The following ATP8A1 variants were observed in gnomAD, a reference collection of about 807,000 sequenced individuals.
The protein encoded by ATP8A1 is phospholipid-transporting ATPase IA.
In ATP8A1, 90 loss-of-function variants were observed where a neutral mutation model predicts 177.7. The ratio of observed to expected loss-of-function variants is 0.51; its 90% CI spans 0.43 to 0.60. The LOEUF (loss-of-function observed/expected upper bound fraction) is 0.60. Among genes scored for constraint, ATP8A1 ranks in the 20% least tolerant of loss-of-function variants. The pLI, the probability that ATP8A1 is intolerant of heterozygous loss-of-function variation, is 0.00. For missense variants in ATP8A1, 1,072 were observed against 1,392.8 expected (o/e 0.77, Z 3.67); for synonymous variants, 493 against 485.9 (o/e 1.01, Z -0.19).
chr4:42,656,903 C>T lies in ATP8A1; in HGVS notation c.-30G>A. The T allele has an allele frequency of 6.4e-7, 1 of 1,559,598 alleles. No homozygotes were observed. The highest frequency in any genetic ancestry group is 8.7e-7 in the Non-Finnish European group (1 of 1,151,722). ...GCGGCGGCTGCAGGTGGGTCCTCAG[C>T]CCGGACTCTGCACCTGTCACGGCGT... On this transcript the variant is annotated 5_prime_UTR_variant, in exon 1 of 37. Transcript: ENST00000381668.
At chr4:42,575,532 T>C (rs1214199075) in intron 13 of ATP8A1, 90 bp downstream of exon 13, 1 of 968,966 alleles carries the variant, frequency 1.0e-6, no homozygotes, top group Non-Finnish European at 1.6e-6. Context: ...TTAAAAGCTG[T>C]CCATTCATCT....
chr4:42,551,062 C>A, intron 18 of ATP8A1, 136 bp downstream of exon 18: 1 of 665,672 alleles, frequency 1.5e-6, no homozygotes, highest in Admixed American at 2.5e-5. Flanking sequence ...AAAGAAATAG[C>A]TAAAAGAACA....
intron 22 of ATP8A1, among the ~76,000 whole-genome samples, chr4:42,516,400 A>G (rs1316959002): frequency 6.7e-6 from 1 of 149,948 alleles, no homozygotes; most frequent in Admixed American, 6.6e-5. Flanking sequence ...GTTTCCATTA[A>G]AAAAAAAAGT....
intron 22 of ATP8A1, among the ~76,000 whole-genome samples, chr4:42,508,181 G>GA (rs1298164896): frequency 6.6e-6 from 1 of 152,142 alleles, no homozygotes; most frequent in Non-Finnish European, 1.5e-5. Context: ...TGCTCAGGCT[G>GA]AAGTACAGTG....
At chr4:42,618,085 G>A (rs1737093493) in intron 4 of ATP8A1, among the ~76,000 whole-genome samples, 2 of 152,152 alleles carry the variant, frequency 1.3e-5, no homozygotes. Flanking sequence ...TAGATTGACA[G>A]CACACGAATA....
At chr4:42,590,775 A>G (rs1415293434) in intron 7 of ATP8A1, 36 bp downstream of exon 7, 1 of 1,585,696 alleles carries the variant, frequency 6.3e-7, no homozygotes, top group East Asian at 2.2e-5. Flanking sequence ...GTGAGGACCC[A>G]CATACACGCA....
chr4:42,578,419 C>A (rs764475433), intron 11 of ATP8A1, 32 bp from the exon 12 acceptor site: 2 of 1,602,404 alleles, frequency 1.2e-6, no homozygotes, highest in Non-Finnish European at 1.7e-6. Context: ...ACGTCATTTA[C>A]AGTTTTATAT....
intron 9 of ATP8A1, among the ~76,000 whole-genome samples, 188 bp downstream of exon 9, chr4:42,586,161 A>G (rs1342556521): frequency 6.6e-6 from 1 of 152,216 alleles, no homozygotes; most frequent in Non-Finnish European, 1.5e-5. Flanking sequence ...CATCAGCTAT[A>G]CTACATGAAT....
At chr4:42,568,767 G>A (rs1031071201) in intron 15 of ATP8A1, among the ~76,000 whole-genome samples, 3 of 152,098 alleles carry the variant, frequency 2.0e-5, no homozygotes, top group Admixed American at 1.3e-4. Flanking sequence ...GTATGTTTCA[G>A]TAGCCTCTTT....
intron 5 of ATP8A1, among the ~76,000 whole-genome samples, chr4:42,605,937 G>A (rs1019030977): frequency 5.3e-4 from 80 of 152,170 alleles, no homozygotes; most frequent in African/African-American, 1.6e-3. Flanking sequence ...CAAGGTAAAA[G>A]CTGACATTCC....
chr4:42,450,071 G>A (rs1049674714), intron 30 of ATP8A1, among the ~76,000 whole-genome samples: 1 of 152,076 alleles, frequency 6.6e-6, no homozygotes, highest in Non-Finnish European at 1.5e-5. Context: ...ATTGTACCCT[G>A]GACCTCCATA....
intron 1 of ATP8A1, among the ~76,000 whole-genome samples, chr4:42,630,800 C>G (rs1026307200): frequency 6.6e-6 from 1 of 152,128 alleles, no homozygotes; most frequent in African/African-American, 2.4e-5. Flanking sequence ...GTCGAATGAA[C>G]AGTATTTGGT....
chr4:42,523,367 A>C (rs1726341753), intron 21 of ATP8A1, among the ~76,000 whole-genome samples: 1 of 152,178 alleles, frequency 6.6e-6, no homozygotes, highest in South Asian at 2.1e-4. Context: ...AATGACTAGG[A>C]CCAGATGCTA....
At chr4:42,631,871 A>G (rs1270934567) in intron 1 of ATP8A1, among the ~76,000 whole-genome samples, 1 of 152,116 alleles carries the variant, frequency 6.6e-6, no homozygotes, top group Non-Finnish European at 1.5e-5. Flanking sequence ...CAATTCGCAA[A>G]TTTCCAAGTT....
chr4:42,578,410 C>G, intron 11 of ATP8A1, 23 bp from the exon 12 acceptor site: 3 of 1,603,980 alleles, frequency 1.9e-6, no homozygotes, highest in Non-Finnish European at 2.6e-6. Context: ...GCAGGAAGAA[C>G]GTCATTTACA....
intron 1 of ATP8A1, among the ~76,000 whole-genome samples, chr4:42,649,871 C>T (rs1015604214): frequency 2.6e-5 from 4 of 152,142 alleles, no homozygotes; most frequent in African/African-American, 9.7e-5. Context: ...CTACTATGTG[C>T]CAGGCAATGT....
At position 42,567,808 on chromosome 4, in the gene ATP8A1, T is replaced by C. The variant is rs1731505900; in HGVS notation, c.1340+1353A>G. On this transcript the variant is annotated intron_variant, in intron 15 of 36. Transcript: ENST00000381668. ...GTTATGAAACAACCTCTATTGAAAGTAGAATATTTTGAATGACGTGAGTAA... is the reference window on the plus strand; with the variant it reads ...GTTATGAAACAACCTCTATTGAAAGCAGAATATTTTGAATGACGTGAGTAA... Among the ~76,000 whole-genome samples the C allele has an allele frequency of 2.0e-5, 3 of 152,304 alleles. No individual in the cohort carries two copies. The South Asian group carries it at 6.2e-4, about 32-fold the overall frequency.
At chr4:42,467,801 A>G (rs1299181429) in intron 25 of ATP8A1, among the ~76,000 whole-genome samples, 1 of 152,178 alleles carries the variant, frequency 6.6e-6, no homozygotes, top group Non-Finnish European at 1.5e-5. Context: ...GGCCATCTGT[A>G]TATCTTGAGA....
At chr4:42,585,022 C>A (rs1029231151) in intron 9 of ATP8A1, among the ~76,000 whole-genome samples, 3 of 152,170 alleles carry the variant, frequency 2.0e-5, no homozygotes, top group African/African-American at 7.2e-5. Flanking sequence ...ACTGCCCTAA[C>A]ATTCCACAAT....
Sources: allele counts gnomAD v4.1 joint callset (sites outside exome capture counted in the v4.1 genomes callset), GRCh38; gene constraint gnomAD v4.1.1; transcripts MANE v1.5; gene names NCBI Gene and HGNC (gene_info 2026-07-23, HGNC 2026-07-21).